The following MANBA variants were observed in gnomAD, a reference collection of about 807,000 sequenced individuals.
MANBA encodes beta-mannosidase.
In MANBA, 83 loss-of-function variants were observed where a neutral mutation model predicts 111.1. The ratio of observed to expected loss-of-function variants is 0.75; its 90% CI spans 0.63 to 0.90. MANBA has a LOEUF of 0.90. Ranked by LOEUF, MANBA falls within the 40% of genes least tolerant of loss-of-function variation. The pLI is 0.00. For synonymous variants in MANBA, 370 were observed against 378.7 expected (o/e 0.98, Z 0.27); for missense variants, 1,036 against 1,069.0 (o/e 0.97, Z 0.43).
chr4:102,726,898 A>T (rs1722831155), intron 1 of MANBA, among the ~76,000 whole-genome samples: 1 of 152,232 alleles, frequency 6.6e-6, no homozygotes, highest in African/African-American at 2.4e-5. Flanking sequence ...ATCCTCTGAG[A>T]TATAAATAAT....
In MANBA at chr4:102,699,576, G is replaced by C. The variant is rs983059249; in HGVS notation, c.674-8805C>G. On this transcript the variant is annotated intron_variant, in intron 5 of 16. Coordinates refer to ENST00000647097, the MANE Select transcript of MANBA (RefSeq NM_005908.4). ...AGAGTTTTTAGCATGAAGGGTTGTTGAATTTTGTCAAAGGCCTTTTCTGCA... is the reference window on the plus strand; with the variant it reads ...AGAGTTTTTAGCATGAAGGGTTGTTCAATTTTGTCAAAGGCCTTTTCTGCA... Among the ~76,000 whole-genome samples the C allele has an allele frequency of 1.3e-3, 189 of 151,030 alleles. 3 individuals are homozygous for C. Among genetic ancestry groups the C allele is most frequent in the Non-Finnish European group, 2.1e-3 (145 of 67,912 alleles).
intron 1 of MANBA, chr4:102,729,847 C>T (rs764962920): frequency 6.3e-5 from 89 of 1,403,824 alleles, no homozygotes; most frequent in Admixed American, 1.2e-4. Flanking sequence ...AGGAACCATA[C>T]CTTGTCTATG....
At chr4:102,711,286 AT>A (rs1342713824) in intron 5 of MANBA, among the ~76,000 whole-genome samples, 1 of 152,218 alleles carries the variant, frequency 6.6e-6, no homozygotes, top group Non-Finnish European at 1.5e-5. Context: ...AAATAACCCC[AT>A]TTAAAAGTGG....
intron 10 of MANBA, chr4:102,665,161 CTG>C (rs1427290098): frequency 7.1e-6 from 2 of 279,896 alleles, no homozygotes; most frequent in Non-Finnish European, 1.4e-5. Context: ...ACTCTTCACT[CTG>C]TGGATTGCCA....
chr4:102,746,137 T>C (rs1488956328), intron 1 of MANBA, among the ~76,000 whole-genome samples: 3 of 152,210 alleles, frequency 2.0e-5, no homozygotes, highest in Non-Finnish European at 4.4e-5. Flanking sequence ...ATGAAGAAGC[T>C]GTTTCTTCTG....
At chr4:102,662,207 G>GGAT (rs570352421) in intron 11 of MANBA, among the ~76,000 whole-genome samples, 128 of 152,046 alleles carry the variant, frequency 8.4e-4, no homozygotes, top group African/African-American at 2.8e-3. Flanking sequence ...AAAGCAATAA[G>GGAT]GATGATGATG....
At position 102,634,881 on chromosome 4, in the gene MANBA, G is replaced by C. The variant is rs1258095506; in HGVS notation, c.2322C>G (p.Tyr774Ter). The change falls in exon 16 of 17, where the codon TAC (tyrosine) becomes TAG (stop). Residue 774 changes from tyrosine to a stop codon, truncating the protein, a stop_gained. Transcript: ENST00000647097. LOFTEE classifies it high-confidence loss of function. Reference protein sequence around the residue: ...CTRESCVVSFYLSADHELLSP... With the variant: ...CTRESCVVSF ...TCAGGAGTTCATGGTCAGCTGAAAGGTAAAAGGAAACCACACAGCTTTCCC... is the reference window on the plus strand; with the variant it reads ...TCAGGAGTTCATGGTCAGCTGAAAGCTAAAAGGAAACCACACAGCTTTCCC... 6.2e-7 allele frequency: 1 copy of C among 1,614,204 alleles called. No individual in the cohort carries two copies. The highest frequency in any genetic ancestry group is 8.5e-7 in the Non-Finnish European group (1 of 1,180,028).
chr4:102,719,753 C>A (rs977746594), intron 4 of MANBA, among the ~76,000 whole-genome samples: 7 of 152,214 alleles, frequency 4.6e-5, no homozygotes, highest in Non-Finnish European at 1.0e-4. Flanking sequence ...GACGGGCATA[C>A]CTCAAGTTAT....
chr4:102,719,983 T>C (rs1279567883), intron 4 of MANBA, among the ~76,000 whole-genome samples: 1 of 152,236 alleles, frequency 6.6e-6, no homozygotes, highest in Non-Finnish European at 1.5e-5. Context: ...TCTATCTAGA[T>C]AACTTGAGAG....
Position 102,671,323 on chromosome 4 carries a change from C to G in MANBA, c.1188G>C (p.Glu396Asp). ...TLRVWGGGIYEQDEFYELCDE... is the reference protein window; with the variant it reads ...TLRVWGGGIYDQDEFYELCDE... ...CACAGAGTTCATAGAATTCATCCTG[C>G]TCATAAATTCCTCCTCCCCAAACCC... is the stretch of plus-strand genomic sequence containing the variant. The change falls in exon 9 of 17, where the codon GAG becomes GAC. Residue 396 changes from glutamate (E) to aspartate (D), a missense_variant. Glu to Asp is a conservative substitution (Grantham distance 45). Transcript: ENST00000647097. 6.2e-7 allele frequency: 1 copy of G among 1,603,350 alleles called. No individual in the cohort carries two copies. The highest frequency in any genetic ancestry group is 8.5e-7 in the Non-Finnish European group (1 of 1,170,358).
intron 4 of MANBA, among the ~76,000 whole-genome samples, chr4:102,717,521 C>T (rs1722390620): frequency 6.6e-6 from 1 of 151,558 alleles, no homozygotes; most frequent in South Asian, 2.1e-4. Context: ...CCAGGCTCCT[C>T]CCACCTCAGC....
intron 5 of MANBA, among the ~76,000 whole-genome samples, chr4:102,703,465 C>T (rs1733155034): frequency 6.6e-6 from 1 of 152,198 alleles, no homozygotes; most frequent in Admixed American, 6.5e-5. Flanking sequence ...ACGAGTCTGC[C>T]TTTGCAGGAC....
intron 1 of MANBA, among the ~76,000 whole-genome samples, chr4:102,746,993 A>G (rs1266247058): frequency 1.3e-5 from 2 of 151,396 alleles, no homozygotes; most frequent in African/African-American, 4.9e-5. Context: ...AAAAAGAAAG[A>G]AAAAGAACCT....
At chr4:102,667,001 G>A (rs1731257496) in intron 10 of MANBA, 1 of 152,134 alleles carries the variant, frequency 6.6e-6, no homozygotes, top group Admixed American at 6.5e-5. Flanking sequence ...ACTATAATAT[G>A]AACTCTAGAT....
intron 13 of MANBA, 67 bp from the exon 14 acceptor site, chr4:102,639,924 A>G: frequency 6.4e-7 from 1 of 1,565,378 alleles, no homozygotes; most frequent in Non-Finnish European, 8.8e-7. Flanking sequence ...TCTGAGAAAA[A>G]TACAGGGTTT....
At chr4:102,711,048 C>A (rs1014078661) in intron 5 of MANBA, among the ~76,000 whole-genome samples, 1 of 152,014 alleles carries the variant, frequency 6.6e-6, no homozygotes, top group Non-Finnish European at 1.5e-5. Flanking sequence ...TTCAAGACAT[C>A]GATCTAGACA....
At chr4:102,637,781 G>C (rs1298093214) in intron 14 of MANBA, among the ~76,000 whole-genome samples, 2 of 152,130 alleles carry the variant, frequency 1.3e-5, no homozygotes, top group Admixed American at 1.3e-4. Flanking sequence ...AACATCCTCT[G>C]TAATACAGCA....
chr4:102,728,814 C>A, intron 1 of MANBA: 1 of 911,402 alleles, frequency 1.1e-6, no homozygotes, highest in Non-Finnish European at 1.7e-6. Flanking sequence ...TTCTTCACAA[C>A]CACTGCCCTG....
intron 7 of MANBA, among the ~76,000 whole-genome samples, chr4:102,689,229 A>G (rs1003882714): frequency 2.0e-5 from 3 of 151,808 alleles, no homozygotes; most frequent in Non-Finnish European, 4.4e-5. Context: ...GGTGCCTGTA[A>G]TCCCATCTAC....
Sources: gnomAD v4.1 joint callset for allele counts (sites outside exome capture counted in the v4.1 genomes callset) on GRCh38, gnomAD v4.1.1 for gene constraint, MANE v1.5 for transcripts, NCBI Gene and HGNC (gene_info 2026-07-23, HGNC 2026-07-21) for gene names.